LIPI: variants seen among roughly 807,000 people sequenced by gnomAD.
LIPI encodes lipase member I.
A neutral mutation model predicts 50.6 loss-of-function variants in LIPI; 59 were observed. That is an observed-to-expected ratio of 1.16 (90% CI 0.94 to 1.45). The LOEUF is 1.45. Among genes scored for constraint, LIPI ranks in the 40% most tolerant of loss-of-function variants. LIPI has a pLI of 0.00. For missense variants in LIPI, 586 were observed against 536.3 expected (o/e 1.09, Z -0.92); for synonymous variants, 203 against 178.2 (o/e 1.14, Z -1.11).
chr21:14,203,359 A>G (rs1171322385), intron 1 of LIPI, among the ~76,000 whole-genome samples: 1 of 152,206 alleles, frequency 6.6e-6, no homozygotes, highest in Non-Finnish European at 1.5e-5. Context: ...ATTATAAATC[A>G]TGCTGCTATA....
Position 14,166,424 on chromosome 21 carries a change from T to C in LIPI, c.671A>G (p.His224Arg). The change falls in exon 5 of 10, where the codon CAT (histidine) becomes CGT (arginine). Residue 224 changes from histidine (H) to arginine (R), a missense_variant. Physicochemically the swap from His to Arg is conservative, Grantham distance 29. Coordinates refer to ENST00000681601, the MANE Select transcript of LIPI (RefSeq NM_001302998.2). ...NGLGIQEPLG[H>R]IDFYPNGGNK... ...TCCTCCATTTGGATAAAAATCTATATGTCCCAAGGGCTCTTGAATGCCTAA... is the reference window on the plus strand; with the variant it reads ...TCCTCCATTTGGATAAAAATCTATACGTCCCAAGGGCTCTTGAATGCCTAA... 1 of 1,609,420 alleles carries C rather than the reference T, an allele frequency of 6.2e-7. No individual in the cohort carries two copies. Among genetic ancestry groups the C allele is most frequent in the Non-Finnish European group, 8.5e-7 (1 of 1,175,842 alleles).
At chr21:14,183,165 A>G (rs1316294172) in intron 3 of LIPI, among the ~76,000 whole-genome samples, 2 of 152,236 alleles carry the variant, frequency 1.3e-5, no homozygotes, top group Non-Finnish European at 2.9e-5. Flanking sequence ...CTCAGAAATA[A>G]TGCTGCATAT....
intron 9 of LIPI, among the ~76,000 whole-genome samples, chr21:14,136,491 G>A (rs1339777397): frequency 1.3e-5 from 2 of 152,192 alleles, no homozygotes; most frequent in African/African-American, 4.8e-5. Context: ...TCTTTGGAAA[G>A]GGGAGGGAAG....
intron 1 of LIPI, among the ~76,000 whole-genome samples, chr21:14,195,543 C>T (rs900721611): frequency 2.8e-4 from 43 of 152,102 alleles, no homozygotes; most frequent in African/African-American, 9.9e-4. Flanking sequence ...AAAGGACAGG[C>T]TATGCATATA....
rs2017853999 is a variant in LIPI at position 14,145,079 on chromosome 21, G to C, written c.1119-280C>G. 2.6e-5 allele frequency among the ~76,000 whole-genome samples: 4 copies of C among 152,008 alleles called. No individual in the cohort carries two copies. The South Asian group carries it at 8.3e-4, about 32-fold the overall frequency. ...ACATGTCTTTCTGAGTAGATGTCTA[G>C]ATTTTACATTTGACTAGAATTAGAG... On this transcript the variant is annotated intron_variant, in intron 8 of 9. Transcript: ENST00000681601.
chr21:14,148,196 G>A (rs961966825), intron 8 of LIPI, among the ~76,000 whole-genome samples: 3 of 152,164 alleles, frequency 2.0e-5, no homozygotes, highest in African/African-American at 7.2e-5. Context: ...GTACAAGAAG[G>A]AGGAAGGGGA....
chr21:14,166,277 C>G, intron 5 of LIPI, 85 bp downstream of exon 5: 1 of 833,050 alleles, frequency 1.2e-6, no homozygotes, highest in South Asian at 1.3e-5. Flanking sequence ...AAAACACTGC[C>G]TACAGATTAA....
Position 14,189,199 on chromosome 21 carries a change from G to A in LIPI, c.267C>T (p.Ile89=). 6.2e-7 allele frequency: 1 copy of A among 1,614,070 alleles called. No homozygotes were observed. Among genetic ancestry groups the A allele is most frequent in the Non-Finnish European group, 8.5e-7 (1 of 1,179,978 alleles). ...TTACGAAGTTCTGAAGCCATAATGG[G>A]ATGGAGCCTACTGGTCTGTATCCGT... ...LIHGYRPVGS[I]PLWLQNFVRI... Residue 89 remains isoleucine, a synonymous_variant, in exon 2 of 10, where the codon ATC becomes ATT. Transcript: ENST00000681601.
chr21:14,148,724 C>G (rs1340294051), intron 8 of LIPI, among the ~76,000 whole-genome samples: 3 of 152,138 alleles, frequency 2.0e-5, no homozygotes, highest in African/African-American at 7.2e-5. Flanking sequence ...ACAGAATCAC[C>G]TAAATATGCA....
intron 1 of LIPI, among the ~76,000 whole-genome samples, chr21:14,191,108 G>A (rs1479900064): frequency 6.6e-6 from 1 of 152,092 alleles, no homozygotes. Flanking sequence ...GCCAGACATG[G>A]TGGTGCATGC....
intron 6 of LIPI, among the ~76,000 whole-genome samples, chr21:14,164,511 T>C (rs1173221574): frequency 1.3e-5 from 2 of 152,146 alleles, no homozygotes; most frequent in Non-Finnish European, 2.9e-5. Context: ...TCACTACCTA[T>C]TCCTCGAACC....
intron 4 of LIPI, among the ~76,000 whole-genome samples, chr21:14,166,729 G>C (rs2018699756): frequency 6.6e-6 from 1 of 152,194 alleles, no homozygotes; most frequent in Admixed American, 6.5e-5. Flanking sequence ...AGAGAGGGCA[G>C]CCAAGATGGC....
intron 9 of LIPI, among the ~76,000 whole-genome samples, chr21:14,141,864 G>A (rs1008571011): frequency 1.3e-5 from 2 of 152,136 alleles, no homozygotes; most frequent in East Asian, 1.9e-4. Context: ...GCTGCCTCTC[G>A]ACTGAGGAGG....
chr21:14,167,405 G>C (rs1186244550), intron 4 of LIPI, among the ~76,000 whole-genome samples: 1 of 152,210 alleles, frequency 6.6e-6, no homozygotes, highest in Non-Finnish European at 1.5e-5. Flanking sequence ...CGGGCAGACT[G>C]TCTCCTCAAG....
At chr21:14,204,078 C>T (rs747722435) in intron 1 of LIPI, among the ~76,000 whole-genome samples, 12 of 151,766 alleles carry the variant, frequency 7.9e-5, no homozygotes, top group African/African-American at 2.4e-4. Context: ...ACACACTGGG[C>T]CCTGTTTGTG....
chr21:14,188,970 C>A (rs1201205882), intron 2 of LIPI, 64 bp downstream of exon 2: 13 of 1,281,738 alleles, frequency 1.0e-5, no homozygotes, highest in Non-Finnish European at 1.3e-5. Context: ...TAACACACTG[C>A]ATATTGTATA....
intron 4 of LIPI, among the ~76,000 whole-genome samples, chr21:14,172,443 A>G (rs1347928141): frequency 2.6e-5 from 4 of 152,126 alleles, no homozygotes; most frequent in African/African-American, 9.7e-5. Flanking sequence ...ACTATTCACA[A>G]TAGCAAAGAC....
At chr21:14,191,052 A>T (rs1466113658) in intron 1 of LIPI, among the ~76,000 whole-genome samples, 1 of 152,132 alleles carries the variant, frequency 6.6e-6, no homozygotes, top group Non-Finnish European at 1.5e-5. Flanking sequence ...ATGCAAGAAA[A>T]AATACATCTC....
chr21:14,131,013 C>T (rs1400301643), intron 9 of LIPI, among the ~76,000 whole-genome samples: 3 of 152,282 alleles, frequency 2.0e-5, no homozygotes, highest in South Asian at 2.1e-4. Flanking sequence ...TGCAGTGGCA[C>T]GATCTCAGCT....
Sources: gnomAD v4.1 joint callset for allele counts (sites outside exome capture counted in the v4.1 genomes callset) on GRCh38, gnomAD v4.1.1 for gene constraint, MANE v1.5 for transcripts, NCBI Gene and HGNC (gene_info 2026-07-23, HGNC 2026-07-21) for gene names.